The following PHACTR3 variants were observed in gnomAD, a reference collection of about 807,000 sequenced individuals.
PHACTR3 encodes protein phosphatase 1, regulatory subunit 123.
In PHACTR3, 16 loss-of-function variants were observed where a neutral mutation model predicts 66.8. The observed-to-expected ratio is 0.24, with a 90% CI of 0.16 to 0.36. The LOEUF is 0.36. Ranked by LOEUF, PHACTR3 falls within the 10% of genes least tolerant of loss-of-function variation. PHACTR3 has a pLI of 1.00. For missense variants in PHACTR3, 647 were observed against 719.9 expected (o/e 0.90, Z 1.16); for synonymous variants, 323 against 292.1 (o/e 1.11, Z -1.08).
At chr20:59,739,991 T>C (rs1266462739) in intron 1 of PHACTR3, among the ~76,000 whole-genome samples, 1 of 152,162 alleles carries the variant, frequency 6.6e-6, no homozygotes, top group Non-Finnish European at 1.5e-5. Context: ...TGTTCATCTG[T>C]AAAATGGATA....
intron 9 of PHACTR3, 29 bp from the exon 10 acceptor site, chr20:59,840,340 T>G (rs1288224637): frequency 3.2e-6 from 5 of 1,584,866 alleles, no homozygotes; most frequent in Admixed American, 1.8e-5. Context: ...TCTTTGTTAT[T>G]TTTTTTTTCC....
intron 1 of PHACTR3, among the ~76,000 whole-genome samples, chr20:59,702,726 G>A (rs2037551090): frequency 6.6e-6 from 1 of 152,194 alleles, no homozygotes; most frequent in African/African-American, 2.4e-5. Flanking sequence ...GGATTGATTA[G>A]TCTGACTACT....
chr20:59,729,883 C>T (rs900454725), intron 1 of PHACTR3, among the ~76,000 whole-genome samples: 1 of 152,168 alleles, frequency 6.6e-6, no homozygotes, highest in Non-Finnish European at 1.5e-5. Flanking sequence ...AAATCCTCCT[C>T]GGTGTGTCAG....
At chr20:59,694,636 C>T (rs1205959092) in intron 1 of PHACTR3, among the ~76,000 whole-genome samples, 1 of 152,110 alleles carries the variant, frequency 6.6e-6, no homozygotes, top group Non-Finnish European at 1.5e-5. Flanking sequence ...AGGCACTGGC[C>T]TTTCTGAACC....
chr20:59,774,108 T>C lies in PHACTR3; in HGVS notation c.927-135T>C, dbSNP rs78136628. ...AAATCCTCATGCTCCTTCTGGTGTG[T>C]CCAGGATAAAAACCAAGAGGTCACA... is the stretch of plus-strand genomic sequence containing the variant. On this transcript the variant is annotated intron_variant, in intron 6 of 12. Coordinates refer to ENST00000371015, the MANE Select transcript of PHACTR3 (RefSeq NM_080672.5). 1.7e-3 allele frequency: 1,899 copies of C among 1,123,776 alleles called. 25 individuals are homozygous for C. In the African/African-American group the frequency reaches 0.027, roughly 16 times the overall value. 69.6% of individuals were successfully genotyped at this position (1,123,776 alleles called of 1,614,324 possible).
chr20:59,659,342 C>T (rs981471606), intron 1 of PHACTR3, among the ~76,000 whole-genome samples: 5 of 146,218 alleles, frequency 3.4e-5, no homozygotes, highest in Admixed American at 6.9e-5. Context: ...CTGAGTCAGT[C>T]GTACCTGTAG....
chr20:59,660,487 G>A (rs565006736), intron 1 of PHACTR3, among the ~76,000 whole-genome samples: 5 of 152,138 alleles, frequency 3.3e-5, no homozygotes, highest in South Asian at 4.1e-4. Flanking sequence ...GCGAGACTCC[G>A]TCTCAAAAAA....
chr20:59,591,252 G>T (rs986588529), intron 1 of PHACTR3, among the ~76,000 whole-genome samples: 6 of 152,018 alleles, frequency 3.9e-5, no homozygotes, highest in Non-Finnish European at 7.4e-5. Flanking sequence ...CTCTCCGAAG[G>T]CACCTGCTCC....
intron 8 of PHACTR3, among the ~76,000 whole-genome samples, chr20:59,823,222 C>T (rs1024357682): frequency 3.9e-5 from 6 of 152,256 alleles, no homozygotes; most frequent in South Asian, 2.1e-4. Flanking sequence ...TCCATCTGTC[C>T]GGAGTCAGCC....
chr20:59,724,409 A>G (rs7270097), intron 1 of PHACTR3, among the ~76,000 whole-genome samples: 9,497 of 152,210 alleles, frequency 0.062, 399 homozygotes, highest in African/African-American at 0.078. Context: ...AGGCAGTTTG[A>G]GAGTAATGTT....
At chr20:59,585,501 C>G (rs1333722432) in intron 1 of PHACTR3, among the ~76,000 whole-genome samples, 1 of 152,162 alleles carries the variant, frequency 6.6e-6, no homozygotes, top group African/African-American at 2.4e-5. Context: ...GTGAATCACT[C>G]AAACTGGGGG....
chr20:59,807,321 G>T (rs780369602), intron 8 of PHACTR3, among the ~76,000 whole-genome samples: 1 of 151,972 alleles, frequency 6.6e-6, no homozygotes, highest in South Asian at 2.1e-4. Context: ...CACAAATGCC[G>T]CATTAGCCTA....
At chr20:59,641,488 A>G (rs1037598206) in intron 1 of PHACTR3, among the ~76,000 whole-genome samples, 2 of 152,238 alleles carry the variant, frequency 1.3e-5, no homozygotes, top group Non-Finnish European at 2.9e-5. Flanking sequence ...GCTCGAAGAC[A>G]GATAGAGAGA....
chr20:59,830,294 G>A lies in PHACTR3; in HGVS notation c.1329-6211G>A, dbSNP rs2042324703. 6.6e-6 allele frequency among the ~76,000 whole-genome samples: 1 copy of A among 152,018 alleles called. No individual in the cohort carries two copies. Among genetic ancestry groups the A allele is most frequent in the African/African-American group, 2.4e-5 (1 of 41,364 alleles). The stretch of plus-strand genomic sequence containing the variant: ...ATGAGTGTCTGATGGAAGCAAGTGA[G>A]TGATGGACAGTGTGAGTAGATGATG... On this transcript the variant is annotated intron_variant, in intron 8 of 12. Transcript: ENST00000371015. This position sits in a 1 kb window ranked among gnomAD's most constrained non-coding sequence, Gnocchi z 5.8.
chr20:59,827,824 C>G (rs1165910592), intron 8 of PHACTR3, among the ~76,000 whole-genome samples: 1 of 152,150 alleles, frequency 6.6e-6, no homozygotes, highest in African/African-American at 2.4e-5. Context: ...ATCAGAAGCC[C>G]CCCACTGCAC....
chr20:59,847,326 T>TC lies in PHACTR3; in HGVS notation c.*197dup, dbSNP rs1437103340. The TC allele has an allele frequency of 8.8e-6, 4 of 455,756 alleles. No homozygotes were observed. Among genetic ancestry groups the TC allele is most frequent in the Non-Finnish European group, 1.6e-5 (4 of 246,158 alleles). The allele number at this position is 455,756 out of a possible 1,614,324, so 28.2% of individuals were successfully genotyped here. A position where few individuals can be genotyped will look rare whatever the true frequency, so the allele number is the denominator to read the frequency against. On this transcript the variant is annotated 3_prime_UTR_variant, in exon 13 of 13. Transcript: ENST00000371015. Reference sequence around the variant, plus strand: ...TAACCAGAGGACACACTTCCTTCCTTCTTTGGTGTCTGAGGAGTGTGAACT... The same window carrying TC: ...TAACCAGAGGACACACTTCCTTCCTTCCTTTGGTGTCTGAGGAGTGTGAACT...
intron 1 of PHACTR3, chr20:59,628,826 T>G (rs1186410994): frequency 1.0e-6 from 1 of 985,004 alleles, no homozygotes; most frequent in East Asian, 1.1e-4. Flanking sequence ...GGTTAGATCT[T>G]GTTTTTTGTT....
Position 59,605,150 on chromosome 20 carries a change from G to T in PHACTR3, c.118+18G>T. Reference sequence around the variant, plus strand: ...GAACCCAGGTAACGGGCTGGGCGGGGGCGGCGGGCGGGTCGGGGAGGCCCG... The same window carrying T: ...GAACCCAGGTAACGGGCTGGGCGGGTGCGGCGGGCGGGTCGGGGAGGCCCG... On this transcript the variant is annotated intron_variant, in intron 1 of 12. Coordinates refer to ENST00000371015, the MANE Select transcript of PHACTR3 (RefSeq NM_080672.5). 7.7e-7 allele frequency: 1 copy of T among 1,299,438 alleles called. No individual in the cohort carries two copies. 80.5% of individuals were successfully genotyped at this position (1,299,438 alleles called of 1,614,324 possible). A position where few individuals can be genotyped will look rare whatever the true frequency, so the allele number is the denominator to read the frequency against.
At chr20:59,611,551 C>CTTCAGAA (rs1430603066) in intron 1 of PHACTR3, among the ~76,000 whole-genome samples, 14 of 152,306 alleles carry the variant, frequency 9.2e-5, no homozygotes, top group African/African-American at 3.4e-4. Flanking sequence ...GGCACCAGGG[C>CTTCAGAA]CATTCTCAGC....
Sources: gnomAD v4.1 joint callset for allele counts (sites outside exome capture counted in the v4.1 genomes callset) on GRCh38, gnomAD v4.1.1 for gene constraint, Gnocchi (gnomAD v3.1) non-coding constraint, MANE v1.5 for transcripts, NCBI Gene and HGNC (gene_info 2026-07-23, HGNC 2026-07-21) for gene names.